The following ITPR2 variants were observed in gnomAD, a reference collection of about 807,000 sequenced individuals.
ITPR2 encodes inositol 1,4,5-trisphosphate-gated calcium channel ITPR2.
ITPR2 carries 207 observed loss-of-function variants against 317.1 expected under a neutral mutation model. The observed-to-expected ratio is 0.65, with a 90% CI of 0.58 to 0.73. The LOEUF is 0.73. Ranked by LOEUF, ITPR2 falls within the 30% of genes least tolerant of loss-of-function variation. The pLI, the probability that ITPR2 is intolerant of heterozygous loss-of-function variation, is 0.00. For synonymous variants in ITPR2, 1,156 were observed against 1,149.1 expected (o/e 1.01, Z -0.12); for missense variants, 2,613 against 3,284.0 (o/e 0.80, Z 4.99).
intron 45 of ITPR2, among the ~76,000 whole-genome samples, chr12:26,463,026 A>C (rs968687569): frequency 1.3e-5 from 2 of 152,162 alleles, no homozygotes; most frequent in African/African-American, 4.8e-5. Flanking sequence ...TTAATCAATA[A>C]ATATTATATG....
At chr12:26,548,986 T>C (rs1944457066) in intron 37 of ITPR2, among the ~76,000 whole-genome samples, 1 of 152,190 alleles carries the variant, frequency 6.6e-6, no homozygotes, top group Admixed American at 6.5e-5. Context: ...GCCATGTACC[T>C]CCTGTTAAGT....
At chr12:26,631,697 T>C (rs1317004639) in intron 22 of ITPR2, among the ~76,000 whole-genome samples, 169 bp downstream of exon 22, 1 of 152,206 alleles carries the variant, frequency 6.6e-6, no homozygotes, top group African/African-American at 2.4e-5. Context: ...ATATGTTAAA[T>C]AGCGTCTGTG....
intron 55 of ITPR2, among the ~76,000 whole-genome samples, chr12:26,346,620 T>G (rs561373885): frequency 2.9e-5 from 4 of 139,812 alleles, no homozygotes; most frequent in Non-Finnish European, 4.7e-5. Context: ...GTAAAGACTT[T>G]CTCAAAAAAA....
At chr12:26,376,010 G>A (rs565023890) in intron 55 of ITPR2, among the ~76,000 whole-genome samples, 1 of 152,312 alleles carries the variant, frequency 6.6e-6, no homozygotes, top group East Asian at 1.9e-4. Context: ...TGAGGCAGGA[G>A]GATCACCTGA....
chr12:26,663,381 A>G (rs1947545960), intron 15 of ITPR2, among the ~76,000 whole-genome samples: 1 of 152,126 alleles, frequency 6.6e-6, no homozygotes, highest in Non-Finnish European at 1.5e-5. Flanking sequence ...CTCAAGCCAA[A>G]AATGTTCCAT....
At chr12:26,504,427 T>C (rs1389312407) in intron 37 of ITPR2, among the ~76,000 whole-genome samples, 1 of 152,136 alleles carries the variant, frequency 6.6e-6, no homozygotes, top group African/African-American at 2.4e-5. Flanking sequence ...TTAAGAATCT[T>C]GTAGAAAAGC....
intron 37 of ITPR2, among the ~76,000 whole-genome samples, chr12:26,527,905 A>T (rs1358703679): frequency 3.3e-5 from 5 of 152,158 alleles, no homozygotes; most frequent in Non-Finnish European, 5.9e-5. Context: ...TCCGCTAGTG[A>T]TACCTTTGGC....
intron 34 of ITPR2, among the ~76,000 whole-genome samples, chr12:26,568,140 C>A (rs1256379659): frequency 6.6e-6 from 1 of 150,414 alleles, no homozygotes; most frequent in Non-Finnish European, 1.5e-5. Context: ...GTTAGCCATT[C>A]TTCTGGCCTA....
intron 21 of ITPR2, among the ~76,000 whole-genome samples, chr12:26,643,317 G>A (rs1046200890): frequency 6.6e-6 from 1 of 152,172 alleles, no homozygotes; most frequent in Non-Finnish European, 1.5e-5. Flanking sequence ...ATTGTCTTAC[G>A]AAGAAGTGGG....
intron 43 of ITPR2, 62 bp from the exon 44 acceptor site, chr12:26,477,069 T>A: frequency 9.3e-7 from 1 of 1,074,128 alleles, no homozygotes; most frequent in East Asian, 2.4e-5. Context: ...ACGATTTCTC[T>A]GCATTTGTTT....
At chr12:26,576,890 A>T (rs531446038) in intron 34 of ITPR2, among the ~76,000 whole-genome samples, 2 of 152,338 alleles carry the variant, frequency 1.3e-5, no homozygotes, top group East Asian at 3.9e-4. Context: ...TTAGGAGGAC[A>T]GAGCCCTCAT....
intron 9 of ITPR2, among the ~76,000 whole-genome samples, chr12:26,710,503 G>A (rs1305797672): frequency 2.6e-5 from 4 of 152,130 alleles, no homozygotes; most frequent in African/African-American, 9.7e-5. Context: ...ACAGTTCCAT[G>A]AATGGAAATT....
chr12:26,434,764 G>C (rs984817417), intron 48 of ITPR2, among the ~76,000 whole-genome samples: 10 of 152,264 alleles, frequency 6.6e-5, no homozygotes, highest in Admixed American at 4.6e-4. Context: ...ATGATTTCCA[G>C]AATTGCTTCC....
chr12:26,540,026 G>A (rs1220761710), intron 37 of ITPR2, among the ~76,000 whole-genome samples: 2 of 152,160 alleles, frequency 1.3e-5, no homozygotes, highest in East Asian at 3.8e-4. Flanking sequence ...CAGTGAATAA[G>A]ATCAACAGTC....
In ITPR2 at chr12:26,336,320, G is replaced by A. The variant is rs1937914778; in HGVS notation, c.*3077C>T. The stretch of plus-strand genomic sequence containing the variant: ...ATGAAACAATTGTAAAATAAAGAGA[G>A]CAGCCAAAACAGGGAGTTATGAGCT... On this transcript the variant is annotated 3_prime_UTR_variant, in exon 57 of 57. Coordinates refer to ENST00000381340, the MANE Select transcript of ITPR2 (RefSeq NM_002223.4). Among the ~76,000 whole-genome samples, 1 of 152,164 alleles carries A rather than the reference G, an allele frequency of 6.6e-6. No homozygotes were observed. Among genetic ancestry groups the A allele is most frequent in the Non-Finnish European group, 1.5e-5 (1 of 68,034 alleles).
chr12:26,726,350 A>C (rs751677268), intron 2 of ITPR2, among the ~76,000 whole-genome samples: 15 of 152,202 alleles, frequency 9.9e-5, no homozygotes, highest in Non-Finnish European at 1.9e-4. Flanking sequence ...GCTAAACATC[A>C]AGATAGAAAA....
intron 21 of ITPR2, among the ~76,000 whole-genome samples, chr12:26,638,538 T>C (rs1183058009): frequency 1.3e-5 from 2 of 152,204 alleles, no homozygotes; most frequent in East Asian, 1.9e-4. Flanking sequence ...CAGACACATG[T>C]ATTGGCTAAT....
intron 46 of ITPR2, among the ~76,000 whole-genome samples, chr12:26,441,904 T>C (rs1422541664): frequency 6.6e-6 from 1 of 152,086 alleles, no homozygotes; most frequent in Non-Finnish European, 1.5e-5. Flanking sequence ...AGTATGTATA[T>C]GTATATGTGT....
chr12:26,463,557 C>T (rs1260171478), intron 45 of ITPR2, among the ~76,000 whole-genome samples: 1 of 151,878 alleles, frequency 6.6e-6, no homozygotes, highest in Non-Finnish European at 1.5e-5. Context: ...CCCAGCTACT[C>T]GGGAGGCTGA....
Sources: gnomAD v4.1 joint callset for allele counts (sites outside exome capture counted in the v4.1 genomes callset) on GRCh38, gnomAD v4.1.1 for gene constraint, MANE v1.5 for transcripts, NCBI Gene and HGNC (gene_info 2026-07-23, HGNC 2026-07-21) for gene names.